The following CADPS variants were observed in gnomAD, a reference collection of about 807,000 sequenced individuals.
CADPS encodes calcium-dependent secretion activator 1.
CADPS carries 57 observed loss-of-function variants against 167.3 expected under a neutral mutation model. The observed-to-expected ratio is 0.34, with a 90% CI of 0.28 to 0.42. The LOEUF is 0.42. Among genes scored for constraint, CADPS ranks in the 20% least tolerant of loss-of-function variants. The pLI is 1.00. For missense variants in CADPS, 1,414 were observed against 1,738.1 expected (o/e 0.81, Z 3.32); for synonymous variants, 676 against 635.3 (o/e 1.06, Z -0.96).
At chr3:62,816,186 A>G (rs889237460) in intron 1 of CADPS, among the ~76,000 whole-genome samples, 1 of 152,168 alleles carries the variant, frequency 6.6e-6, no homozygotes, top group African/African-American at 2.4e-5. Context: ...TGTGTTATGC[A>G]TACCAAAGCC....
intron 16 of CADPS, among the ~76,000 whole-genome samples, chr3:62,515,679 G>A (rs867821340): frequency 2.6e-5 from 4 of 151,958 alleles, no homozygotes; most frequent in South Asian, 2.1e-4. Flanking sequence ...TATCAGCAGC[G>A]GACAACAGAC....
At chr3:62,652,550 G>A (rs1278689506) in intron 4 of CADPS, among the ~76,000 whole-genome samples, 1 of 152,190 alleles carries the variant, frequency 6.6e-6, no homozygotes, top group South Asian at 2.1e-4. Flanking sequence ...ACTGCAATTG[G>A]CTGGTAGAAC....
chr3:62,555,482 C>G (rs1003702370), intron 10 of CADPS, among the ~76,000 whole-genome samples: 1 of 152,188 alleles, frequency 6.6e-6, no homozygotes, highest in Admixed American at 6.5e-5. Flanking sequence ...GGGTTAGACC[C>G]GGAGTCCCAG....
At position 62,433,769 on chromosome 3, in the gene CADPS, AG is replaced by A. The variant is rs1318610482; in HGVS notation, c.3777+4334del. On this transcript the variant is annotated intron_variant, in intron 28 of 29. Coordinates refer to ENST00000383710, the MANE Select transcript of CADPS (RefSeq NM_003716.4). The surrounding 1 kb of genome is among the most constrained non-coding windows in gnomAD (Gnocchi z 4.7). ...TCAGTCTGTGTCTTCAAGAAGTACAAGGAAGAAAGAAAATTAATTTTTGTTT... is the reference window on the plus strand; with the variant it reads ...TCAGTCTGTGTCTTCAAGAAGTACAAGAAGAAAGAAAATTAATTTTTGTTT... Among the ~76,000 whole-genome samples, 2 of 152,208 alleles carry A rather than the reference AG, an allele frequency of 1.3e-5. No homozygotes were observed. Among genetic ancestry groups the A allele is most frequent in the Non-Finnish European group, 2.9e-5 (2 of 68,040 alleles).
chr3:62,658,909 A>T (rs950022798), intron 4 of CADPS, among the ~76,000 whole-genome samples: 2 of 152,178 alleles, frequency 1.3e-5, no homozygotes, highest in Non-Finnish European at 2.9e-5. Flanking sequence ...AATGTGACAC[A>T]TGGAGATGGG....
chr3:62,523,335 C>T (rs1000886556), intron 13 of CADPS, among the ~76,000 whole-genome samples: 1 of 152,070 alleles, frequency 6.6e-6, no homozygotes, highest in Non-Finnish European at 1.5e-5. Flanking sequence ...TAATGAAGTA[C>T]TGAGTTTTTA....
chr3:62,790,310 G>GT (rs1350076415), intron 1 of CADPS, among the ~76,000 whole-genome samples: 6 of 152,094 alleles, frequency 3.9e-5, no homozygotes, highest in Admixed American at 3.3e-4. Context: ...ATTTTTATTT[G>GT]TTTTTTCTAA....
chr3:62,602,605 T>G lies in CADPS; in HGVS notation c.1326-9857A>C, dbSNP rs1359118712. ...TCGCAGTGTGTCTCATGCAAACTAA[T>G]TGATAGGCTGGGCTTTGGGTTCTTT... On this transcript the variant is annotated intron_variant, in intron 6 of 29. Transcript: ENST00000383710. This position sits in a 1 kb window ranked among gnomAD's most constrained non-coding sequence, Gnocchi z 4.4. Among the ~76,000 whole-genome samples the G allele has an allele frequency of 6.6e-6, 1 of 152,158 alleles. No homozygotes were observed. Among genetic ancestry groups the G allele is most frequent in the African/African-American group, 2.4e-5 (1 of 41,440 alleles).
At chr3:62,534,664 G>A (rs2152009355) in intron 12 of CADPS, among the ~76,000 whole-genome samples, 1 of 152,184 alleles carries the variant, frequency 6.6e-6, no homozygotes, top group Non-Finnish European at 1.5e-5. Context: ...GAACTCAGTC[G>A]AAGACACAGA....
intron 3 of CADPS, among the ~76,000 whole-genome samples, chr3:62,688,321 T>C (rs2078475398): frequency 2.0e-5 from 3 of 152,068 alleles, no homozygotes; most frequent in South Asian, 2.1e-4. Flanking sequence ...TTGAGAACCA[T>C]GGAGCTAAGT....
At chr3:62,444,438 G>A (rs187351407) in intron 27 of CADPS, among the ~76,000 whole-genome samples, 23 of 152,242 alleles carry the variant, frequency 1.5e-4, no homozygotes, top group East Asian at 3.9e-4. Flanking sequence ...AGGTATTATC[G>A]TCATCTCCAT....
At chr3:62,794,300 T>C (rs1245130728) in intron 1 of CADPS, among the ~76,000 whole-genome samples, 1 of 152,206 alleles carries the variant, frequency 6.6e-6, no homozygotes, top group Non-Finnish European at 1.5e-5. Flanking sequence ...TAAGTAGTGA[T>C]GGAAGCTTGT....
intron 8 of CADPS, among the ~76,000 whole-genome samples, chr3:62,582,835 T>C (rs764882536): frequency 6.6e-6 from 1 of 152,224 alleles, no homozygotes; most frequent in South Asian, 2.1e-4. Flanking sequence ...GCCTGAAATA[T>C]GTTAATAATT....
intron 3 of CADPS, among the ~76,000 whole-genome samples, chr3:62,711,173 GA>G (rs1480540867): frequency 6.6e-6 from 1 of 152,084 alleles, no homozygotes; most frequent in Non-Finnish European, 1.5e-5. Flanking sequence ...CAATTCTATT[GA>G]TATACATATA....
intron 29 of CADPS, among the ~76,000 whole-genome samples, chr3:62,400,825 C>G (rs7638326): frequency 6.6e-6 from 1 of 152,034 alleles, no homozygotes; most frequent in Non-Finnish European, 1.5e-5. Flanking sequence ...GTCTTGATCT[C>G]CTGACCTTGT....
At chr3:62,536,396 GA>G (rs200594026) in intron 12 of CADPS, 48 bp downstream of exon 12, 127 of 1,520,226 alleles carry the variant, frequency 8.4e-5, no homozygotes, top group Middle Eastern at 5.2e-4. Flanking sequence ...ATATTTAAAT[GA>G]AAAAAAATGT....
At chr3:62,474,536 C>G (rs748336179) in intron 23 of CADPS, among the ~76,000 whole-genome samples, 1 of 152,096 alleles carries the variant, frequency 6.6e-6, no homozygotes, top group East Asian at 1.9e-4. Context: ...CGGCAGTACC[C>G]GGAACACTTG....
intron 3 of CADPS, among the ~76,000 whole-genome samples, chr3:62,740,237 G>C (rs937321953): frequency 3.9e-5 from 6 of 152,172 alleles, no homozygotes; most frequent in African/African-American, 1.2e-4. Context: ...ATAGGGCATG[G>C]TCTTCTCTTG....
At chr3:62,477,606 T>C (rs1208070628) in intron 23 of CADPS, among the ~76,000 whole-genome samples, 1 of 152,096 alleles carries the variant, frequency 6.6e-6, no homozygotes, top group Non-Finnish European at 1.5e-5. Flanking sequence ...CTCAGAACAG[T>C]CTGCCTGGGA....
Sources: allele counts gnomAD v4.1 joint callset (sites outside exome capture counted in the v4.1 genomes callset), GRCh38; gene constraint gnomAD v4.1.1; non-coding constraint Gnocchi (gnomAD v3.1); transcripts MANE v1.5; gene names NCBI Gene and HGNC (gene_info 2026-07-23, HGNC 2026-07-21).